CEP43: variants seen among roughly 807,000 people sequenced by gnomAD.
CEP43 encodes centrosomal protein 43.
Under a neutral mutation model 52.6 loss-of-function variants are expected in CEP43, and 36 were observed. That is an observed-to-expected ratio of 0.68 (90% confidence interval 0.52 to 0.90). The LOEUF is 0.90. Among genes scored for constraint, CEP43 ranks in the 40% least tolerant of loss-of-function variants. CEP43 has a pLI of 0.00. For synonymous variants in CEP43, 192 were observed against 172.4 expected (o/e 1.11, Z -0.89); for missense variants, 506 against 472.8 (o/e 1.07, Z -0.65).
At chr6:167,010,022 AG>A (rs1779951885) in intron 5 of CEP43, among the ~76,000 whole-genome samples, 1 of 152,344 alleles carries the variant, frequency 6.6e-6, no homozygotes. Context: ...CAACAGAAAT[AG>A]TGGGACTGAA....
At position 167,021,704 on chromosome 6, in the gene CEP43, A is replaced by G. The variant is rs541520726; in HGVS notation, c.580-705A>G. 2.6e-5 allele frequency among the ~76,000 whole-genome samples: 4 copies of G among 151,976 alleles called. No homozygotes were observed. The East Asian group carries it at 5.8e-4, about 22-fold the overall frequency. On this transcript the variant is annotated intron_variant, in intron 7 of 12. Transcript: ENST00000366847. Reference sequence around the variant, plus strand: ...TTTTTTATAACATTGATGTTAATATACATAGAGAAATACACACACACACAC... The same window carrying G: ...TTTTTTATAACATTGATGTTAATATGCATAGAGAAATACACACACACACAC...
Position 167,051,117 on chromosome 6 carries a change from C to CA in CEP43, c.*11140dup, listed in dbSNP as rs1350388044. 6.6e-6 allele frequency: 1 copy of CA among 152,108 alleles called. No homozygotes were observed. The highest frequency in any genetic ancestry group is 1.9e-4 in the East Asian group (1 of 5,204). The allele number at this position is 152,108 out of a possible 1,614,324, so 9.4% of individuals were successfully genotyped here. On this transcript the variant is annotated 3_prime_UTR_variant, in exon 13 of 13. Coordinates refer to ENST00000366847, the MANE Select transcript of CEP43 (RefSeq NM_007045.4). The stretch of plus-strand genomic sequence containing the variant: ...AGTTGAGCCAAGAATTCAAGAGGTA[C>CA]AGGTTCAAGTAGGGCCATCTGGTTG...
chr6:167,031,657 GTCT>G (rs1007123452), intron 10 of CEP43, among the ~76,000 whole-genome samples: 2 of 152,166 alleles, frequency 1.3e-5, no homozygotes, highest in Admixed American at 6.5e-5. Flanking sequence ...GTCATGCCAG[GTCT>G]TCTTTTTGTG....
intron 7 of CEP43, among the ~76,000 whole-genome samples, chr6:167,019,496 G>A (rs946028722): frequency 1.3e-5 from 2 of 152,130 alleles, no homozygotes; most frequent in South Asian, 2.1e-4. Context: ...AACCTAGTTG[G>A]TAATGGTCTT....
chr6:167,019,744 A>C (rs1432514237), intron 7 of CEP43, among the ~76,000 whole-genome samples: 1 of 152,190 alleles, frequency 6.6e-6, no homozygotes, highest in African/African-American at 2.4e-5. Context: ...TATAGCGGGA[A>C]TATTGGTCAA....
At chr6:167,027,951 C>T (rs1238376633) in intron 10 of CEP43, 5 of 985,854 alleles carry the variant, frequency 5.1e-6, no homozygotes, top group African/African-American at 1.7e-5. Context: ...GGTTGTGCTG[C>T]CATCTGCTCT....
intron 11 of CEP43, among the ~76,000 whole-genome samples, chr6:167,033,152 C>A (rs1490026297): frequency 1.5e-5 from 2 of 130,520 alleles, no homozygotes; most frequent in African/African-American, 5.8e-5. Context: ...ACTCTGTTGC[C>A]CACGCTGGAG....
rs1477093416 is a variant in CEP43, at chr6:167,048,814, C to T, written c.*8836C>T. ...ATGAATGTCATTGAAAGAGCATGTA[C>T]ATCACTAAATGTTCTTAGTCACTGA... On this transcript the variant is annotated 3_prime_UTR_variant, in exon 13 of 13. Coordinates refer to ENST00000366847, the MANE Select transcript of CEP43 (RefSeq NM_007045.4). 6.6e-6 allele frequency: 1 copy of T among 152,170 alleles called. No individual in the cohort carries two copies. The highest frequency in any genetic ancestry group is 1.5e-5 in the Non-Finnish European group (1 of 68,046). The allele number at this position is 152,170 out of a possible 1,614,324, so 9.4% of individuals were successfully genotyped here. A position where few individuals can be genotyped will look rare whatever the true frequency, so the allele number is the denominator to read the frequency against.
intron 10 of CEP43, among the ~76,000 whole-genome samples, chr6:167,031,559 C>T (rs554068746): frequency 4.7e-4 from 71 of 152,342 alleles, no homozygotes; most frequent in African/African-American, 1.7e-3. Context: ...CTTGAATCCC[C>T]TCAGCAGTCT....
rs1206804574 is a variant in CEP43, at chr6:167,046,179, T to C, written c.*6201T>C. 1.3e-5 allele frequency: 2 copies of C among 150,256 alleles called. No homozygotes were observed. Among genetic ancestry groups the C allele is most frequent in the African/African-American group, 4.9e-5 (2 of 40,758 alleles). 9.3% of individuals were successfully genotyped at this position (150,256 alleles called of 1,614,324 possible). On this transcript the variant is annotated 3_prime_UTR_variant, in exon 13 of 13. Coordinates refer to ENST00000366847, the MANE Select transcript of CEP43 (RefSeq NM_007045.4). ...GAGGTTAGGTATATATGGCAGATCA[T>C]ATCTGAGCGTGAATTACATTCTCCA...
intron 5 of CEP43, among the ~76,000 whole-genome samples, chr6:167,009,295 G>A (rs892132112): frequency 2.0e-5 from 3 of 149,072 alleles, no homozygotes; most frequent in African/African-American, 5.0e-5. Flanking sequence ...AGGCTGAGGC[G>A]GGCGGATCAT....
chr6:167,040,863 A>G lies in CEP43; in HGVS notation c.*885A>G, dbSNP rs1028823284. 4 of 1,024,786 alleles carry G rather than the reference A, an allele frequency of 3.9e-6. No homozygotes were observed. The highest frequency in any genetic ancestry group is 4.7e-6 in the Non-Finnish European group (4 of 853,268). 63.5% of individuals were successfully genotyped at this position (1,024,786 alleles called of 1,614,324 possible). A position where few individuals can be genotyped will look rare whatever the true frequency, so the allele number is the denominator to read the frequency against. On this transcript the variant is annotated 3_prime_UTR_variant, in exon 13 of 13. Transcript: ENST00000366847. The stretch of plus-strand genomic sequence containing the variant: ...ATGGCCTAAGACCATGTTCAGTTTG[A>G]CAAGCTTTATATACTGTACATAATT...
chr6:167,029,502 C>T (rs1424460933), intron 10 of CEP43, among the ~76,000 whole-genome samples: 5 of 152,308 alleles, frequency 3.3e-5, no homozygotes, highest in South Asian at 4.1e-4. Context: ...CTGAGCATTA[C>T]GTCCCCACTC....
At chr6:167,024,537 A>G (rs573506393) in intron 8 of CEP43, among the ~76,000 whole-genome samples, 1 of 152,298 alleles carries the variant, frequency 6.6e-6, no homozygotes, top group Admixed American at 6.5e-5. Flanking sequence ...TTTAGTTTAT[A>G]TCAAACAGAA....
chr6:167,014,839 A>G (rs1780059043), intron 7 of CEP43, among the ~76,000 whole-genome samples: 1 of 152,260 alleles, frequency 6.6e-6, no homozygotes, highest in Non-Finnish European at 1.5e-5. Context: ...AGGAGTTTAT[A>G]GTTTAATTGG....
intron 2 of CEP43, 98 bp downstream of exon 2, chr6:167,000,211 C>T (rs1779702685): frequency 3.3e-6 from 3 of 916,326 alleles, no homozygotes; most frequent in Admixed American, 2.4e-5. Context: ...TAACATATAG[C>T]TAGGGATAAT....
Position 167,031,385 on chromosome 6 carries a change from G to C in CEP43, c.989-1218G>C, listed in dbSNP as rs140962393. Among the ~76,000 whole-genome samples the C allele has an allele frequency of 2.9e-3, 434 of 152,280 alleles. 10 individuals carry two copies. The highest frequency in any genetic ancestry group is 5.3e-4 in the Non-Finnish European group (36 of 68,030). Reference sequence around the variant, plus strand: ...CAATTGCACTAGCAGTATTTGGTTTGTTCCACTGTTCCTCTTCACTAGAGT... The same window carrying C: ...CAATTGCACTAGCAGTATTTGGTTTCTTCCACTGTTCCTCTTCACTAGAGT... On this transcript the variant is annotated intron_variant, in intron 10 of 12. Coordinates refer to ENST00000366847, the MANE Select transcript of CEP43 (RefSeq NM_007045.4).
chr6:167,018,210 T>A (rs1204916565), intron 7 of CEP43, among the ~76,000 whole-genome samples: 1 of 152,188 alleles, frequency 6.6e-6, no homozygotes, highest in Non-Finnish European at 1.5e-5. Context: ...CACCCTACTC[T>A]TTGAATGGAC....
At chr6:167,019,312 G>A (rs1460836898) in intron 7 of CEP43, among the ~76,000 whole-genome samples, 1 of 152,016 alleles carries the variant, frequency 6.6e-6, no homozygotes. Flanking sequence ...TACACCTGCT[G>A]TGCACACGGG....
Sources: gnomAD v4.1 joint callset for allele counts (sites outside exome capture counted in the v4.1 genomes callset) on GRCh38, gnomAD v4.1.1 for gene constraint, MANE v1.5 for transcripts, NCBI Gene and HGNC (gene_info 2026-07-23, HGNC 2026-07-21) for gene names.